Variants in GAA observed in about 807,000 individuals in gnomAD.
GAA encodes alpha glucosidase.
In GAA, 88 loss-of-function variants were observed where a neutral mutation model predicts 103.9. The observed-to-expected ratio is 0.85, with a 90% CI of 0.71 to 1.01. GAA has a LOEUF of 1.01. GAA is among the 50% of genes least tolerant of loss of function. The probability of loss-of-function intolerance (pLI) is 0.00; values close to 1 mark genes in which losing one functional copy is unlikely to be tolerated. For missense variants in GAA, 1,350 were observed against 1,305.3 expected (o/e 1.03, Z -0.53); for synonymous variants, 572 against 563.1 (o/e 1.02, Z -0.22).
chr17:80,105,946 C>A (rs769965852), intron 3 of GAA, 52 bp downstream of exon 3: 1 of 1,549,838 alleles, frequency 6.5e-7, no homozygotes, highest in Non-Finnish European at 8.7e-7. Flanking sequence ...GCGCATTTCT[C>A]ACACGGCAGG....
In GAA at chr17:80,108,790, G is replaced by A. The variant is rs375433002; in HGVS notation, c.1288G>A (p.Glu430Lys). Reference sequence around the variant, plus strand: ...CCGGGACTTCCCGGCCATGGTGCAGGAGCTGCACCAGGGCGGCCGGCGCTA... The same window carrying A: ...CCGGGACTTCCCGGCCATGGTGCAGAAGCTGCACCAGGGCGGCCGGCGCTA... Reference protein sequence around the residue: ...GFRDFPAMVQELHQGGRRYMM... With the variant: ...GFRDFPAMVQKLHQGGRRYMM... Residue 430 changes from glutamate (E) to lysine (K), a missense_variant, in exon 8 of 20, where the codon GAG (glutamate) becomes AAG (lysine). By Grantham distance (56) the Glu-to-Lys change is moderately conservative. Coordinates refer to ENST00000302262, the MANE Select transcript of GAA (RefSeq NM_000152.5). 26 of 1,607,338 alleles carry A rather than the reference G, an allele frequency of 1.6e-5. No individual in the cohort carries two copies. In the African/African-American group the frequency reaches 2.9e-4, roughly 18 times the overall value.
At chr17:80,112,553 C>G (rs753367061) in intron 12 of GAA, 25 bp from the exon 13 acceptor site, 1 of 1,612,784 alleles carries the variant, frequency 6.2e-7, no homozygotes, top group East Asian at 2.2e-5. Flanking sequence ...CCACACAGCC[C>G]TCACGGTGTC....
rs1025488204 is a variant in GAA, at chr17:80,117,481, T to C, written c.2332-119T>C. Reference sequence around the variant, plus strand: ...GCGCCTGAAGTCACAGTTCAGCCCGTCTGTGCCAGGCCTCCTAGGCCTCCA... The same window carrying C: ...GCGCCTGAAGTCACAGTTCAGCCCGCCTGTGCCAGGCCTCCTAGGCCTCCA... On this transcript the variant is annotated intron_variant, in intron 16 of 19. Coordinates refer to ENST00000302262, the MANE Select transcript of GAA (RefSeq NM_000152.5). 4.2e-5 allele frequency: 51 copies of C among 1,205,506 alleles called. No homozygotes were observed. The African/African-American group carries it at 6.9e-4, about 16-fold the overall frequency. The allele number at this position is 1,205,506 out of a possible 1,614,324, so 74.7% of individuals were successfully genotyped here.
intron 3 of GAA, 54 bp downstream of exon 3, chr17:80,105,948 C>T (rs549888899): frequency 2.6e-6 from 4 of 1,548,250 alleles, no homozygotes; most frequent in Admixed American, 3.5e-5. Context: ...GCATTTCTCA[C>T]ACGGCAGGGA....
rs376247021 is a variant in GAA at position 80,110,716 on chromosome 17, T to A, written c.1438-11T>A. On this transcript the variant is annotated splice_polypyrimidine_tract_variant and intron_variant, in intron 9 of 19. Transcript: ENST00000302262. ...GGCCGGGTCTCCCCACTGCAGCCTC[T>A]CGTTGTCCAGGTATGGCCCGGGTCC... 2.4e-5 allele frequency: 38 copies of A among 1,612,912 alleles called. 1 individual carries two copies. The highest frequency in any genetic ancestry group is 2.9e-5 in the Non-Finnish European group (34 of 1,179,434).
Position 80,112,952 on chromosome 17 carries a change from G to C in GAA, c.1965G>C (p.Glu655Asp). 6.2e-7 allele frequency: 1 copy of C among 1,610,666 alleles called. No individual in the cohort carries two copies. Among genetic ancestry groups the C allele is most frequent in the South Asian group, 1.1e-5 (1 of 90,440 alleles). The change falls in exon 14 of 20, where the codon GAG becomes GAC. Residue 655 changes from glutamate to aspartate, a missense_variant. Glu to Asp is a conservative substitution (Grantham distance 45). Coordinates refer to ENST00000302262, the MANE Select transcript of GAA (RefSeq NM_000152.5). ...GCGGCTTCCTGGGCAACACCTCAGA[G>C]GAGCTGTGTGTGCGCTGGACCCAGC... is the stretch of plus-strand genomic sequence containing the variant. The part of the protein sequence containing the change: ...DVCGFLGNTS[E>D]ELCVRWTQLG...
At chr17:80,117,802 G>C (rs927464085) in intron 17 of GAA, 53 bp downstream of exon 17, 2 of 1,547,348 alleles carry the variant, frequency 1.3e-6, no homozygotes, top group Admixed American at 3.9e-5. Flanking sequence ...CTGCAGAGCT[G>C]GGGGAGGCAC....
intron 15 of GAA, 121 bp downstream of exon 15, chr17:80,113,487 T>G (rs2039295877): frequency 1.1e-6 from 1 of 934,968 alleles, no homozygotes. Context: ...TGCCGCTGAG[T>G]GAGACAACAT....
rs530607386 is a variant in GAA at position 80,117,257 on chromosome 17, C to G, written c.2331+148C>G. 4.2e-5 allele frequency: 35 copies of G among 843,152 alleles called. No individual in the cohort carries two copies. The African/African-American group carries it at 5.0e-4, about 12-fold the overall frequency. 52.2% of individuals were successfully genotyped at this position (843,152 alleles called of 1,614,324 possible). ...CATGTGCCAGGCCCCCACCCGGCTG[C>G]TCCGCACCCATCAGCCTCTCCGCTC... is the stretch of plus-strand genomic sequence containing the variant. On this transcript the variant is annotated intron_variant, in intron 16 of 19. Coordinates refer to ENST00000302262, the MANE Select transcript of GAA (RefSeq NM_000152.5).
rs2039405334 is a variant in GAA, at chr17:80,118,313, C to G, written c.2602C>G (p.Leu868Val). The change falls in exon 18 of 20, where the codon CTG becomes GTG. Residue 868 changes from leucine (L) to valine (V), a missense_variant. Physicochemically the swap from Leu to Val is conservative, Grantham distance 32. Transcript: ENST00000302262. ...GGACGATGGAGAGAGCCTGGAAGTGCTGGAGCGAGGGGCCTACACACAGGT... is the reference window on the plus strand; with the variant it reads ...GGACGATGGAGAGAGCCTGGAAGTGGTGGAGCGAGGGGCCTACACACAGGT... The part of the protein sequence containing the change: ...FWDDGESLEV[L>V]ERGAYTQVIF... The G allele has an allele frequency of 1.9e-6, 3 of 1,586,196 alleles. No homozygotes were observed. The highest frequency in any genetic ancestry group is 2.7e-5 in the African/African-American group (2 of 74,316).
Position 80,118,234 on chromosome 17 carries a change from G to A in GAA, c.2523G>A (p.Met841Ile). 6.2e-7 allele frequency: 1 copy of A among 1,612,952 alleles called. No homozygotes were observed. The highest frequency in any genetic ancestry group is 8.5e-7 in the Non-Finnish European group (1 of 1,179,660). The change falls in exon 18 of 20, where the codon ATG (methionine) becomes ATA (isoleucine). Residue 841 changes from methionine (M) to isoleucine (I), a missense_variant. Transcript: ENST00000302262. Reference sequence around the variant, plus strand: ...CCACAGAGTCCCGCCAGCAGCCCATGGCCCTGGCTGTGGCCCTGACCAAGG... The same window carrying A: ...CCACAGAGTCCCGCCAGCAGCCCATAGCCCTGGCTGTGGCCCTGACCAAGG... The part of the protein sequence containing the change: ...LTTTESRQQP[M>I]ALAVALTKGG...
chr17:80,112,642 G>A lies in GAA; in HGVS notation c.1819G>A (p.Gly607Ser), dbSNP rs940955642. Residue 607 changes from glycine to serine, a missense_variant, in exon 13 of 20, where the codon GGC (glycine) becomes AGC (serine). By Grantham distance (56) the Gly-to-Ser change is moderately conservative. Coordinates refer to ENST00000302262, the MANE Select transcript of GAA (RefSeq NM_000152.5). Reference sequence around the variant, plus strand: ...CTCCCGCTCGACCTTTGCTGGCCACGGCCGATACGCCGGCCACTGGACGGG... The same window carrying A: ...CTCCCGCTCGACCTTTGCTGGCCACAGCCGATACGCCGGCCACTGGACGGG... ...VISRSTFAGH[G>S]RYAGHWTGDV... is the part of the protein sequence containing the mutation. The A allele has an allele frequency of 1.2e-5, 20 of 1,612,814 alleles. No homozygotes were observed. The highest frequency in any genetic ancestry group is 5.3e-5 in the African/African-American group (4 of 75,050).
chr17:80,111,431 A>C (rs1273991768), intron 11 of GAA, among the ~76,000 whole-genome samples: 2 of 152,158 alleles, frequency 1.3e-5, no homozygotes, highest in African/African-American at 2.4e-5. Flanking sequence ...TACCAAGAAG[A>C]AGCATGGGGG....
At chr17:80,116,904 G>A (rs2039362492) in intron 15 of GAA, 64 bp from the exon 16 acceptor site, 1 of 1,581,740 alleles carries the variant, frequency 6.3e-7, no homozygotes, top group Admixed American at 1.7e-5. Flanking sequence ...TCCCCAGGGT[G>A]GGCATATGAG....
chr17:80,117,120 G>A lies in GAA; in HGVS notation c.2331+11G>A, dbSNP rs376709495. On this transcript the variant is annotated intron_variant, in intron 16 of 19. Transcript: ENST00000302262. ...TACGACCTGCAGACGGTGAGTCTGG[G>A]GACCCTAAGCCCTGGGGAGACGGGA... 2 of 1,611,866 alleles carry A rather than the reference G, an allele frequency of 1.2e-6. No homozygotes were observed. The highest frequency in any genetic ancestry group is 1.7e-6 in the Non-Finnish European group (2 of 1,179,914).
In GAA at chr17:80,112,062, C is replaced by G. The variant is rs772962666; in HGVS notation, c.1716C>G (p.His572Gln). Residue 572 changes from histidine to glutamine, a missense_variant, in exon 12 of 20, where the codon CAC becomes CAG. Coordinates refer to ENST00000302262, the MANE Select transcript of GAA (RefSeq NM_000152.5). ...TTCTCTCCACACACTACAACCTGCA[C>G]AACCTCTACGGCCTGACCGAAGCCA... ...HQFLSTHYNL[H>Q]NLYGLTEAIA... The G allele has an allele frequency of 1.9e-6, 3 of 1,614,092 alleles. No individual in the cohort carries two copies. The highest frequency in any genetic ancestry group is 2.5e-6 in the Non-Finnish European group (3 of 1,179,974).
intron 8 of GAA, 64 bp downstream of exon 8, chr17:80,108,892 C>G (rs2039164095): frequency 6.5e-7 from 1 of 1,528,730 alleles, no homozygotes; most frequent in Non-Finnish European, 8.8e-7. Context: ...GGCTCCTTCT[C>G]TGTGCAGCGT....
At chr17:80,116,054 G>A (rs1213628702) in intron 15 of GAA, among the ~76,000 whole-genome samples, 1 of 152,208 alleles carries the variant, frequency 6.6e-6, no homozygotes, top group Non-Finnish European at 1.5e-5. Flanking sequence ...TTTTGCCGAT[G>A]TTCCTGTTTT....
rs757605518 is a variant in GAA, at chr17:80,110,062, C to T, written c.1437+7C>T. 7 of 1,610,324 alleles carry T rather than the reference C, an allele frequency of 4.3e-6. No individual in the cohort carries two copies. Among genetic ancestry groups the T allele is most frequent in the East Asian group, 4.5e-5 (2 of 44,844 alleles). The stretch of plus-strand genomic sequence containing the variant: ...CCAGCCGCTGATTGGGAAGGTAGGG[C>T]GAGGGTCCAGGGGACGGGGGTTAGA... On this transcript the variant is annotated splice_region_variant and intron_variant, in intron 9 of 19. Transcript: ENST00000302262.
Sources: allele counts gnomAD v4.1 joint callset (sites outside exome capture counted in the v4.1 genomes callset), GRCh38; gene constraint gnomAD v4.1.1; transcripts MANE v1.5; gene names NCBI Gene and HGNC (gene_info 2026-07-23, HGNC 2026-07-21).